Variants in CDH13 observed in about 807,000 individuals in gnomAD.
CDH13 encodes cadherin-13.
Under a neutral mutation model 63.8 loss-of-function variants are expected in CDH13, and 24 were observed. That is an observed-to-expected ratio of 0.38 (90% CI 0.27 to 0.53). The LOEUF is 0.53. Ranked by LOEUF, CDH13 falls within the 20% of genes least tolerant of loss-of-function variation. The pLI, the probability that CDH13 is intolerant of heterozygous loss-of-function variation, is 0.85. For missense variants in CDH13, 1,049 were observed against 903.1 expected (o/e 1.16, Z -2.07); for synonymous variants, 503 against 355.3 (o/e 1.42, Z -4.67).
At chr16:83,589,723 G>A (rs1906550396) in intron 7 of CDH13, among the ~76,000 whole-genome samples, 2 of 152,198 alleles carry the variant, frequency 1.3e-5, no homozygotes, top group South Asian at 4.2e-4. Flanking sequence ...CAGGACGGAC[G>A]TGTGAAGGGA....
chr16:83,614,264 G>C (rs911879817), intron 8 of CDH13, among the ~76,000 whole-genome samples: 1 of 152,162 alleles, frequency 6.6e-6, no homozygotes, highest in Non-Finnish European at 1.5e-5. Flanking sequence ...TGGGACTCAG[G>C]CTTTTTCAAG....
chr16:83,451,944 G>A (rs2072898097), intron 6 of CDH13, among the ~76,000 whole-genome samples: 1 of 152,114 alleles, frequency 6.6e-6, no homozygotes, highest in African/African-American at 2.4e-5. Flanking sequence ...ATTGGACCCA[G>A]CTCAGGGATT....
chr16:83,419,299 A>G (rs144684347), intron 6 of CDH13, among the ~76,000 whole-genome samples: 2 of 152,314 alleles, frequency 1.3e-5, no homozygotes, highest in African/African-American at 4.8e-5. Flanking sequence ...CACCCATACA[A>G]GGTATGCTGA....
At chr16:82,988,791 A>C (rs1466774307) in intron 2 of CDH13, among the ~76,000 whole-genome samples, 1 of 150,328 alleles carries the variant, frequency 6.7e-6, no homozygotes, top group Non-Finnish European at 1.5e-5. Flanking sequence ...CGAGTAATGA[A>C]GGGCAGATTC....
chr16:83,213,457 C>A (rs1483805385), intron 4 of CDH13, among the ~76,000 whole-genome samples: 1 of 152,078 alleles, frequency 6.6e-6, no homozygotes, highest in Non-Finnish European at 1.5e-5. Context: ...GCTGTGTTCC[C>A]AACTTTTTCT....
intron 4 of CDH13, among the ~76,000 whole-genome samples, chr16:83,208,555 T>C (rs1597517932): frequency 6.6e-6 from 1 of 152,130 alleles, no homozygotes; most frequent in South Asian, 2.1e-4. Context: ...CTCTTACATG[T>C]TTTTAAAAGT....
Position 83,795,112 on chromosome 16 carries a change from G to T in CDH13, c.*82G>T. ...AAATCTATCCAAATCTGAAGATTGC[G>T]GTTTACAGCTATCGAACTTCACAAC... On this transcript the variant is annotated 3_prime_UTR_variant, in exon 14 of 14. Transcript: ENST00000567109. 1 of 1,249,808 alleles carries T rather than the reference G, an allele frequency of 8.0e-7. No individual in the cohort carries two copies. 77.4% of individuals were successfully genotyped at this position (1,249,808 alleles called of 1,614,324 possible).
chr16:83,391,950 T>C (rs2091795322), intron 6 of CDH13, among the ~76,000 whole-genome samples: 3 of 152,240 alleles, frequency 2.0e-5, no homozygotes, highest in Admixed American at 6.5e-5. Flanking sequence ...CAAAGACTGT[T>C]TATCAGGGTC....
At chr16:83,506,746 G>A (rs951254023) in intron 7 of CDH13, among the ~76,000 whole-genome samples, 1 of 152,194 alleles carries the variant, frequency 6.6e-6, no homozygotes, top group Non-Finnish European at 1.5e-5. Flanking sequence ...TACAGGCAAA[G>A]CCAAATGCCG....
intron 3 of CDH13, among the ~76,000 whole-genome samples, chr16:83,095,982 A>C (rs1316102028): frequency 1.3e-5 from 2 of 152,186 alleles, no homozygotes; most frequent in Non-Finnish European, 2.9e-5. Context: ...CAATTTTTTA[A>C]AGGTTGAACA....
rs573962057 is a variant in CDH13 at position 82,876,253 on chromosome 16, T to C, written c.157+17780T>C. Among the ~76,000 whole-genome samples, 102 of 152,342 alleles carry C rather than the reference T, an allele frequency of 6.7e-4. 3 individuals carry two copies. The Middle Eastern group carries it at 0.01, about 15-fold the overall frequency. On this transcript the variant is annotated intron_variant, in intron 2 of 13. Transcript: ENST00000567109. Reference sequence around the variant, plus strand: ...CCTCTGTGGTTATCTTTTCTACCCATCATTACTTGTATCTCTGCCAGACAG... The same window carrying C: ...CCTCTGTGGTTATCTTTTCTACCCACCATTACTTGTATCTCTGCCAGACAG...
At chr16:82,911,230 G>A (rs762298416) in intron 2 of CDH13, among the ~76,000 whole-genome samples, 1 of 152,178 alleles carries the variant, frequency 6.6e-6, no homozygotes, top group African/African-American at 2.4e-5. Flanking sequence ...TGGCTGTAAG[G>A]CATAATGTGG....
At chr16:83,627,135 A>AG (rs919402897) in intron 8 of CDH13, among the ~76,000 whole-genome samples, 3 of 151,312 alleles carry the variant, frequency 2.0e-5, no homozygotes, top group Non-Finnish European at 4.4e-5. Context: ...TACAAAAAAA[A>AG]AAAAATGAGC....
intron 5 of CDH13, among the ~76,000 whole-genome samples, chr16:83,283,868 G>T (rs2089244237): frequency 1.3e-5 from 2 of 152,084 alleles, no homozygotes; most frequent in African/African-American, 4.8e-5. Flanking sequence ...AGAGTTGTAA[G>T]CTCCTGGAGG....
chr16:82,893,753 G>A (rs1222442645), intron 2 of CDH13, among the ~76,000 whole-genome samples: 1 of 152,088 alleles, frequency 6.6e-6, no homozygotes, highest in Non-Finnish European at 1.5e-5. Flanking sequence ...GCTCGCTTAC[G>A]TCTAGGTCAG....
intron 3 of CDH13, among the ~76,000 whole-genome samples, chr16:83,085,063 C>G (rs1389664206): frequency 6.6e-6 from 1 of 152,054 alleles, no homozygotes; most frequent in African/African-American, 2.4e-5. Context: ...ATAGTTTTCC[C>G]CTTATATTGG....
chr16:83,276,567 G>A (rs1368994790), intron 5 of CDH13, among the ~76,000 whole-genome samples: 1 of 152,178 alleles, frequency 6.6e-6, no homozygotes, highest in Admixed American at 6.5e-5. Context: ...CATGGCAGAA[G>A]ACAAGAGCAT....
intron 2 of CDH13, among the ~76,000 whole-genome samples, chr16:83,024,995 G>C (rs1282034017): frequency 1.3e-5 from 2 of 152,180 alleles, no homozygotes; most frequent in African/African-American, 2.4e-5. Flanking sequence ...AACAGCCTGA[G>C]ACTAGCAAGG....
At chr16:82,832,657 A>G (rs183481376) in intron 1 of CDH13, among the ~76,000 whole-genome samples, 2,374 of 152,330 alleles carry the variant, frequency 0.016, 32 homozygotes, top group Middle Eastern at 0.024. Context: ...CCCCAAAATG[A>G]AACAAAACAA....
Sources: gnomAD v4.1 joint callset for allele counts (sites outside exome capture counted in the v4.1 genomes callset) on GRCh38, gnomAD v4.1.1 for gene constraint, MANE v1.5 for transcripts, NCBI Gene and HGNC (gene_info 2026-07-23, HGNC 2026-07-21) for gene names.